TASP1: variants seen among roughly 807,000 people sequenced by gnomAD.
The protein encoded by TASP1 is taspase 1.
Under a neutral mutation model 56.6 loss-of-function variants are expected in TASP1, and 16 were observed. The observed-to-expected ratio is 0.28, with a 90% confidence interval of 0.19 to 0.43. TASP1 has a LOEUF of 0.43. Among genes scored for constraint, TASP1 ranks in the 20% least tolerant of loss-of-function variants. The pLI, the probability that TASP1 is intolerant of heterozygous loss-of-function variation, is 1.00. For missense variants in TASP1, 393 were observed against 511.6 expected, an observed-to-expected ratio of 0.77 and a Z score of 2.24; for synonymous variants, 179 against 184.2, an observed-to-expected ratio of 0.97 and a Z score of 0.23.
intron 10 of TASP1, among the ~76,000 whole-genome samples, chr20:13,507,065 T>C (rs964072852): frequency 2.0e-5 from 3 of 152,120 alleles, no homozygotes; most frequent in South Asian, 4.1e-4. Context: ...ACAAATTCAG[T>C]ACAGTTGCAG....
the TASP1 span, among the ~76,000 whole-genome samples, chr20:13,359,538 C>T: frequency 9.2e-5 from 14 of 151,604 alleles, no homozygotes; most frequent in South Asian, 2.9e-3. Context: ...TTAATCAATA[C>T]GGAGGCTACA....
the TASP1 span, among the ~76,000 whole-genome samples, chr20:13,342,048 C>T: frequency 6.6e-6 from 1 of 152,184 alleles, no homozygotes; most frequent in Non-Finnish European, 1.5e-5. Flanking sequence ...AAGCAAGTCC[C>T]AGGCCAGCCC....
intron 4 of TASP1, among the ~76,000 whole-genome samples, chr20:13,618,267 G>T (rs778577770): frequency 2.0e-5 from 3 of 152,000 alleles, no homozygotes; most frequent in Non-Finnish European, 4.4e-5. Context: ...AAAAAAATTA[G>T]CCAGGTGTGG....
chr20:13,387,726 G>A (rs2041174865), downstream of TASP1, among the ~76,000 whole-genome samples: 1 of 152,162 alleles, frequency 6.6e-6, no homozygotes, highest in Non-Finnish European at 1.5e-5. Flanking sequence ...TAAGTTCTTT[G>A]AGAAATCTCC....
intron 11 of TASP1, among the ~76,000 whole-genome samples, chr20:13,476,279 T>A (rs188883554): frequency 6.6e-6 from 1 of 152,230 alleles, no homozygotes; most frequent in African/African-American, 2.4e-5. Context: ...TTCTTTGAGA[T>A]CTGAGCTGAC....
intron 11 of TASP1, among the ~76,000 whole-genome samples, chr20:13,460,343 C>T (rs143080440): frequency 1.2e-3 from 179 of 152,296 alleles, no homozygotes; most frequent in African/African-American, 4.1e-3. Flanking sequence ...AATCTCATTG[C>T]TGGTTCCTCT....
the TASP1 span, among the ~76,000 whole-genome samples, chr20:13,308,816 T>C: frequency 6.6e-6 from 1 of 152,010 alleles, no homozygotes. Flanking sequence ...GGTTATTAGG[T>C]CATGAGGGTG....
chr20:13,183,440 T>C, the TASP1 span, among the ~76,000 whole-genome samples: 21 of 152,336 alleles, frequency 1.4e-4, no homozygotes, highest in East Asian at 3.9e-3. Context: ...CTGATACAAG[T>C]ATATTTTAAT....
the TASP1 span, among the ~76,000 whole-genome samples, chr20:13,279,352 A>G: frequency 3.3e-5 from 5 of 152,140 alleles, no homozygotes; most frequent in Non-Finnish European, 5.9e-5. Flanking sequence ...CAGCAATCCA[A>G]CAGTCATTGT....
chr20:13,629,314 A>G (rs1342646358), intron 2 of TASP1, among the ~76,000 whole-genome samples: 1 of 150,626 alleles, frequency 6.6e-6, no homozygotes, highest in Non-Finnish European at 1.5e-5. Context: ...CAGTGAGCCA[A>G]GATCACACCA....
At chr20:13,128,660 T>C in the TASP1 span, among the ~76,000 whole-genome samples, 3 of 152,056 alleles carry the variant, frequency 2.0e-5, no homozygotes, top group Admixed American at 1.3e-4. Flanking sequence ...ACCTTTTATT[T>C]TGGAGGGGGA....
intron 4 of TASP1, among the ~76,000 whole-genome samples, chr20:13,612,491 A>AACACACACACACACACACACAC (rs34343791): frequency 1.4e-5 from 2 of 143,994 alleles, no homozygotes; most frequent in Non-Finnish European, 3.1e-5. Context: ...ATTTGTAGCA[A>AACACACACACACACACACACAC]ACACACACAC....
the TASP1 span, chr20:13,117,787 G>A: frequency 6.9e-7 from 1 of 1,440,624 alleles, no homozygotes; most frequent in East Asian, 2.3e-5. Context: ...CCGTGTGTAG[G>A]GCTTCTCTGA....
At chr20:13,194,491 T>C in the TASP1 span, among the ~76,000 whole-genome samples, 2 of 150,694 alleles carry the variant, frequency 1.3e-5, no homozygotes, top group Non-Finnish European at 3.0e-5. Context: ...ACAAAAGGAG[T>C]TTCTTAGTTT....
At chr20:13,355,025 T>A in the TASP1 span, among the ~76,000 whole-genome samples, 1 of 152,076 alleles carries the variant, frequency 6.6e-6, no homozygotes, top group African/African-American at 2.4e-5. Flanking sequence ...GAGTGACAAT[T>A]TAGCTCAAGA....
At chr20:13,145,315 A>G in the TASP1 span, among the ~76,000 whole-genome samples, 1 of 152,202 alleles carries the variant, frequency 6.6e-6, no homozygotes. Context: ...TCAATGTACT[A>G]AAATCACTAG....
intron 8 of TASP1, among the ~76,000 whole-genome samples, chr20:13,558,232 A>ATT (rs2046229170): frequency 6.6e-6 from 1 of 152,230 alleles, no homozygotes; most frequent in Non-Finnish European, 1.5e-5. Context: ...ACATCACATG[A>ATT]CTATGTGACC....
the TASP1 span, among the ~76,000 whole-genome samples, chr20:13,297,240 C>T: frequency 1.3e-5 from 2 of 152,108 alleles, no homozygotes; most frequent in African/African-American, 4.8e-5. Flanking sequence ...TCCTAACCTT[C>T]ACTGTTTTCC....
At chr20:13,478,987 C>T (rs1419586936) in intron 11 of TASP1, among the ~76,000 whole-genome samples, 1 of 151,820 alleles carries the variant, frequency 6.6e-6, no homozygotes, top group Non-Finnish European at 1.5e-5. Context: ...ATATTAAGAG[C>T]ATTAAGCTAT....
Sources: gnomAD v4.1 joint callset for allele counts (sites outside exome capture counted in the v4.1 genomes callset) on GRCh38, gnomAD v4.1.1 for gene constraint, MANE v1.5 for transcripts, NCBI Gene and HGNC (gene_info 2026-07-23, HGNC 2026-07-21) for gene names.